RIT2: variants seen among roughly 807,000 people sequenced by gnomAD.
The protein encoded by RIT2 is Ras like without CAAX 2.
In RIT2, 24 loss-of-function variants were observed where a neutral mutation model predicts 23.7. That is an observed-to-expected ratio of 1.01 (90% CI 0.73 to 1.43). The LOEUF is 1.43. Ranked by LOEUF, RIT2 falls within the 40% of genes most tolerant of loss-of-function variation. The pLI is 0.00. For missense variants in RIT2, 236 were observed against 266.9 expected, an observed-to-expected ratio of 0.88 and a Z score of 0.81; for synonymous variants, 107 against 91.1, an observed-to-expected ratio of 1.17 and a Z score of -0.99.
chr18:42,801,933 C>T (rs902972518), intron 4 of RIT2, among the ~76,000 whole-genome samples: 1 of 152,210 alleles, frequency 6.6e-6, no homozygotes. Context: ...GGCTTCTGCT[C>T]AATGTCATTT....
chr18:42,815,626 T>C (rs560067218), intron 4 of RIT2, among the ~76,000 whole-genome samples: 1 of 152,096 alleles, frequency 6.6e-6, no homozygotes, highest in East Asian at 1.9e-4. Flanking sequence ...GTTCAAAGAG[T>C]GGAGAAGAAT....
At chr18:42,951,844 A>T (rs2144173742) in intron 3 of RIT2, among the ~76,000 whole-genome samples, 1 of 152,276 alleles carries the variant, frequency 6.6e-6, no homozygotes, top group East Asian at 1.9e-4. Flanking sequence ...GCTGCTAATA[A>T]AGACATCCCT....
At chr18:42,817,999 C>T (rs1174630101) in intron 4 of RIT2, among the ~76,000 whole-genome samples, 5 of 151,748 alleles carry the variant, frequency 3.3e-5, no homozygotes, top group African/African-American at 1.2e-4. Context: ...TTATTCCTAA[C>T]ACATATTAAA....
intron 4 of RIT2, among the ~76,000 whole-genome samples, chr18:42,907,010 C>T (rs945637864): frequency 6.6e-6 from 1 of 152,088 alleles, no homozygotes; most frequent in African/African-American, 2.4e-5. Flanking sequence ...GGGTCATTAT[C>T]TCAAACTTAT....
chr18:43,077,708 C>T (rs1913059026), intron 1 of RIT2, among the ~76,000 whole-genome samples: 1 of 152,180 alleles, frequency 6.6e-6, no homozygotes, highest in African/African-American at 2.4e-5. Flanking sequence ...CATCACTTAC[C>T]TGACAGCTAT....
At chr18:43,028,645 C>A (rs950949293) in intron 2 of RIT2, among the ~76,000 whole-genome samples, 3 of 151,986 alleles carry the variant, frequency 2.0e-5, no homozygotes, top group African/African-American at 7.2e-5. Flanking sequence ...CTTATTCTGA[C>A]TAGTAGTAAT....
chr18:42,876,818 T>C (rs1907756122), intron 4 of RIT2, among the ~76,000 whole-genome samples: 1 of 151,902 alleles, frequency 6.6e-6, no homozygotes, highest in Non-Finnish European at 1.5e-5. Flanking sequence ...CCACATCATT[T>C]GATATTTTGT....
At chr18:42,927,607 A>G (rs1223366586) in intron 3 of RIT2, among the ~76,000 whole-genome samples, 1 of 151,962 alleles carries the variant, frequency 6.6e-6, no homozygotes, top group African/African-American at 2.4e-5. Context: ...CTGAATGTTA[A>G]TATCTTCTTC....
At chr18:43,078,242 A>G (rs536903953) in intron 1 of RIT2, among the ~76,000 whole-genome samples, 1 of 152,148 alleles carries the variant, frequency 6.6e-6, no homozygotes, top group South Asian at 2.1e-4. Context: ...CAATTCCTCT[A>G]TCCACATCTC....
intron 1 of RIT2, among the ~76,000 whole-genome samples, chr18:43,110,459 T>C (rs771503042): frequency 1.3e-5 from 2 of 152,148 alleles, no homozygotes; most frequent in South Asian, 2.1e-4. Context: ...TGCTCTGGCA[T>C]TGAGGAACGG....
At chr18:42,788,641 C>T (rs1354368399) in intron 4 of RIT2, among the ~76,000 whole-genome samples, 3 of 152,096 alleles carry the variant, frequency 2.0e-5, no homozygotes, top group Non-Finnish European at 2.9e-5. Context: ...GTATTGGAAA[C>T]CTCTCCAGCT....
chr18:42,998,998 A>G (rs1388726869), intron 2 of RIT2, among the ~76,000 whole-genome samples: 1 of 152,050 alleles, frequency 6.6e-6, no homozygotes, highest in Non-Finnish European at 1.5e-5. Flanking sequence ...TTAACTCTTA[A>G]TTTTTATCAC....
chr18:42,869,779 GA>G (rs1299882131), intron 4 of RIT2, among the ~76,000 whole-genome samples: 3 of 152,164 alleles, frequency 2.0e-5, no homozygotes, highest in Admixed American at 6.5e-5. Flanking sequence ...ATTAACAACA[GA>G]ATCATGTAAA....
chr18:43,057,407 A>G (rs1912529303), intron 1 of RIT2, among the ~76,000 whole-genome samples: 1 of 152,188 alleles, frequency 6.6e-6, no homozygotes, highest in African/African-American at 2.4e-5. Context: ...CCTCATCTCC[A>G]GGATTTTCAT....
chr18:42,837,153 C>CTTTT (rs570701535), intron 4 of RIT2, among the ~76,000 whole-genome samples: 1,157 of 51,682 alleles, frequency 0.022, 248 homozygotes, highest in Non-Finnish European at 0.029. Flanking sequence ...TTTTCTTTTT[C>CTTTT]TTTTTTTTTT....
At chr18:42,872,537 A>C (rs1236242016) in intron 4 of RIT2, among the ~76,000 whole-genome samples, 1 of 152,180 alleles carries the variant, frequency 6.6e-6, no homozygotes, top group Non-Finnish European at 1.5e-5. Flanking sequence ...TTCTCTGTTC[A>C]CAGCAATCTG....
intron 3 of RIT2, among the ~76,000 whole-genome samples, chr18:42,939,796 T>C (rs745790401): frequency 6.6e-6 from 1 of 152,066 alleles, no homozygotes; most frequent in African/African-American, 2.4e-5. Context: ...ATATAATCTT[T>C]GATAGCTCTT....
chr18:43,005,394 ATC>A (rs1209354684), intron 2 of RIT2, among the ~76,000 whole-genome samples: 9 of 151,854 alleles, frequency 5.9e-5, no homozygotes, highest in Admixed American at 1.3e-4. Flanking sequence ...CACTTTTATC[ATC>A]TCTGAGATTA....
At chr18:43,019,577 A>T (rs1374324427) in intron 2 of RIT2, among the ~76,000 whole-genome samples, 2 of 152,076 alleles carry the variant, frequency 1.3e-5, no homozygotes, top group Non-Finnish European at 2.9e-5. Context: ...AACAGCTAAC[A>T]TCATACTGAA....
Sources: gnomAD v4.1 joint callset for allele counts (sites outside exome capture counted in the v4.1 genomes callset) on GRCh38, gnomAD v4.1.1 for gene constraint, MANE v1.5 for transcripts, NCBI Gene and HGNC (gene_info 2026-07-23, HGNC 2026-07-21) for gene names.